SERAC1: variants seen among roughly 807,000 people sequenced by gnomAD.
The protein encoded by SERAC1 is serine active site containing 1.
A neutral mutation model predicts 85.7 loss-of-function variants in SERAC1; 36 were observed. The ratio of observed to expected loss-of-function variants is 0.42; its 90% CI spans 0.32 to 0.55. The LOEUF (loss-of-function observed/expected upper bound fraction) is 0.55. Ranked by LOEUF, SERAC1 falls within the 20% of genes least tolerant of loss-of-function variation. The pLI is 0.11. For synonymous variants in SERAC1, 242 were observed against 265.3 expected (o/e 0.91, Z 0.85); for missense variants, 629 against 796.2 (o/e 0.79, Z 2.53).
intron 2 of SERAC1, among the ~76,000 whole-genome samples, chr6:158,155,619 G>A (rs1200983982): frequency 1.3e-5 from 2 of 152,044 alleles, no homozygotes; most frequent in East Asian, 3.9e-4. Context: ...TTCCACTACT[G>A]ATGCTAGTAG....
chr6:158,118,468 A>G (rs1418455804), intron 12 of SERAC1, among the ~76,000 whole-genome samples: 1 of 152,130 alleles, frequency 6.6e-6, no homozygotes, highest in Non-Finnish European at 1.5e-5. Flanking sequence ...TAAAGTATTA[A>G]TTAGCCAGGC....
At chr6:158,158,589 T>C in intron 1 of SERAC1, 1 of 381,236 alleles carries the variant, frequency 2.6e-6, no homozygotes, top group East Asian at 4.5e-5. Context: ...TTCCTCACAC[T>C]GTGTCCAATT....
At chr6:158,115,008 T>G (rs1487407202) in intron 14 of SERAC1, 37 bp from the exon 15 acceptor site, 1 of 1,574,884 alleles carries the variant, frequency 6.3e-7, no homozygotes, top group Admixed American at 1.9e-5. Context: ...ATGCATAAGC[T>G]ATTTTCCTTC....
rs1784108519 is a variant in SERAC1 at position 158,110,137 on chromosome 6, A to T, written c.*1229T>A. 6.6e-6 allele frequency: 1 copy of T among 152,234 alleles called. No individual in the cohort carries two copies. The highest frequency in any genetic ancestry group is 1.5e-5 in the Non-Finnish European group (1 of 68,064). The allele number at this position is 152,234 out of a possible 1,614,324, so 9.4% of individuals were successfully genotyped here. On this transcript the variant is annotated 3_prime_UTR_variant, in exon 17 of 17. Coordinates refer to ENST00000647468, the MANE Select transcript of SERAC1 (RefSeq NM_032861.4). ...CTGGGAACAATGGCTCTGGCCTATA[A>T]TCACAGCATTTTGGGAGGGTGGCTT...
At position 158,117,391 on chromosome 6, in the gene SERAC1, C is replaced by A; in HGVS notation, c.1403+336G>T. 1.2e-6 allele frequency: 1 copy of A among 831,164 alleles called. No individual in the cohort carries two copies. The highest frequency in any genetic ancestry group is 1.8e-6 in the Non-Finnish European group (1 of 540,622). The allele number at this position is 831,164 out of a possible 1,614,324, so 51.5% of individuals were successfully genotyped here. The stretch of plus-strand genomic sequence containing the variant: ...GCATCTTTCTCTTTGCTTCCTTTAG[C>A]CAGTATGATTGTGGACACAAGAACA... On this transcript the variant is annotated intron_variant, in intron 13 of 16. Transcript: ENST00000647468. The surrounding 1 kb of genome is among the most constrained non-coding windows in gnomAD (Gnocchi z 4.3).
At chr6:158,130,553 AAG>A in intron 8 of SERAC1, 67 bp from the exon 9 acceptor site, 1 of 940,864 alleles carries the variant, frequency 1.1e-6, no homozygotes, top group East Asian at 2.7e-5. Flanking sequence ...GACAAAAAAA[AAG>A]AAATCTCTGT....
chr6:158,151,585 G>C (rs1785206381), intron 3 of SERAC1, among the ~76,000 whole-genome samples: 2 of 151,836 alleles, frequency 1.3e-5, no homozygotes, highest in Admixed American at 1.3e-4. Context: ...CCACGCCCGG[G>C]TAATTTTGTT....
At chr6:158,167,891 T>C (rs936199429) in intron 1 of SERAC1, among the ~76,000 whole-genome samples, 1 of 151,084 alleles carries the variant, frequency 6.6e-6, no homozygotes, top group Admixed American at 6.6e-5. Context: ...GACCGGCAGG[T>C]GCACTCCCCA....
At chr6:158,144,763 A>G (rs1011875905) in intron 6 of SERAC1, among the ~76,000 whole-genome samples, 2 of 152,190 alleles carry the variant, frequency 1.3e-5, no homozygotes, top group African/African-American at 4.8e-5. Flanking sequence ...TACTCAAAAC[A>G]CATGAGGTGG....
At position 158,128,401 on chromosome 6, in the gene SERAC1, C is replaced by T. The variant is rs1485904040; in HGVS notation, c.853-131G>A. 4 of 750,794 alleles carry T rather than the reference C, an allele frequency of 5.3e-6. No individual in the cohort carries two copies. The East Asian group carries it at 7.8e-5, about 15-fold the overall frequency. 46.5% of individuals were successfully genotyped at this position (750,794 alleles called of 1,614,324 possible). ...AGGGATGCAGGGAGACTCCTCAAAG[C>T]TCTTGTCTCAGCTTGCTTAAATAAG... On this transcript the variant is annotated intron_variant, in intron 9 of 16. Transcript: ENST00000647468.
rs764587456 is a variant in SERAC1 at position 158,158,359 on chromosome 6, G to A, written c.5C>T (p.Ser2Phe). Residue 2 changes from serine (S) to phenylalanine (F), a missense_variant, in exon 2 of 17, where the codon TCC becomes TTC. By Grantham distance (155) the Ser-to-Phe change is radical (BLOSUM62 -2). Transcript: ENST00000647468. M[S>F]LAAYCVICCR... ...ACAGATGACGCAATAAGCAGCCAGG[G>A]ACATTCTGTGTAAGTAGAACAATTA... 3.7e-6 allele frequency: 6 copies of A among 1,611,304 alleles called. No homozygotes were observed. In the East Asian group the frequency reaches 1.3e-4, roughly 36 times the overall value.
intron 7 of SERAC1, 32 bp downstream of exon 7, chr6:158,144,267 C>A (rs770727658): frequency 1.3e-6 from 2 of 1,555,164 alleles, no homozygotes; most frequent in Non-Finnish European, 1.8e-6. Flanking sequence ...ATTTTTCACT[C>A]TCTAAATTAC....
At chr6:158,122,805 T>C (rs1784453322) in intron 10 of SERAC1, among the ~76,000 whole-genome samples, 1 of 152,114 alleles carries the variant, frequency 6.6e-6, no homozygotes, top group African/African-American at 2.4e-5. Context: ...TGTAGCTCTA[T>C]GTGCACTTTT....
rs1376764852 is a variant in SERAC1, at chr6:158,111,488, C to G, written c.1843G>C (p.Asp615His). 1.3e-6 allele frequency: 2 copies of G among 1,593,176 alleles called. No individual in the cohort carries two copies. The highest frequency in any genetic ancestry group is 1.4e-5 in the African/African-American group (1 of 73,530). The part of the protein sequence containing the change: ...PVESADLGIG[D>H]LIPVDVNHLN... ...TGGTTAACATCCACAGGAATTAGAT[C>G]TCCAATGCCTAAATCTGAAGAAAAT... The change falls in exon 17 of 17, where the codon GAT (aspartate) becomes CAT (histidine). Residue 615 changes from aspartate (D) to histidine (H), a missense_variant. Physicochemically the swap from Asp to His is moderately conservative, Grantham distance 81 (BLOSUM62 -1). Transcript: ENST00000647468.
chr6:158,114,314 A>G (rs2128410349), intron 15 of SERAC1, among the ~76,000 whole-genome samples: 1 of 152,238 alleles, frequency 6.6e-6, no homozygotes, highest in African/African-American at 2.4e-5. Flanking sequence ...AATAGGAGCA[A>G]AAAGACACCT....
At chr6:158,128,756 C>G (rs551514900) in intron 9 of SERAC1, among the ~76,000 whole-genome samples, 1 of 152,200 alleles carries the variant, frequency 6.6e-6, no homozygotes, top group Non-Finnish European at 1.5e-5. Flanking sequence ...CCACACAATG[C>G]CCACAGCTAT....
chr6:158,143,878 G>A (rs1448078951), intron 7 of SERAC1, among the ~76,000 whole-genome samples: 1 of 152,058 alleles, frequency 6.6e-6, no homozygotes, highest in Non-Finnish European at 1.5e-5. Flanking sequence ...ACTAGGGGGT[G>A]CTACTAGCAT....
chr6:158,153,860 G>T (rs7756922), intron 3 of SERAC1, among the ~76,000 whole-genome samples: 60,313 of 151,872 alleles, frequency 0.4, 12,137 homozygotes, highest in Middle Eastern at 0.5. Flanking sequence ...GCCAAGGGCA[G>T]TGGCTCAGGC....
At chr6:158,159,749 C>T (rs1335702822) in intron 1 of SERAC1, among the ~76,000 whole-genome samples, 4 of 151,778 alleles carry the variant, frequency 2.6e-5, no homozygotes, top group Non-Finnish European at 4.4e-5. Context: ...CTCAGCCTAC[C>T]GAGCAGCTGG....
Sources: gnomAD v4.1 joint callset for allele counts (sites outside exome capture counted in the v4.1 genomes callset) on GRCh38, gnomAD v4.1.1 for gene constraint, Gnocchi (gnomAD v3.1) non-coding constraint, MANE v1.5 for transcripts, NCBI Gene and HGNC (gene_info 2026-07-23, HGNC 2026-07-21) for gene names.